The following ANKRD18B variants were observed in gnomAD, a reference collection of about 807,000 sequenced individuals.
The protein encoded by ANKRD18B is ankyrin repeat domain-containing protein 18B.
In ANKRD18B, 75 loss-of-function variants were observed where a neutral mutation model predicts 111.8. The observed-to-expected ratio is 0.67, with a 90% CI of 0.56 to 0.81. The LOEUF (loss-of-function observed/expected upper bound fraction) is 0.81, where lower values mean the gene tolerates loss of function less well. ANKRD18B is among the 40% of genes least tolerant of loss of function. The pLI is 0.00. For missense variants in ANKRD18B, 1,038 were observed against 1,225.5 expected, an observed-to-expected ratio of 0.85 and a Z score of 2.28; for synonymous variants, 356 against 417.3, an observed-to-expected ratio of 0.85 and a Z score of 1.79.
At chr9:33,532,061 T>C (rs556647622) in intron 3 of ANKRD18B, among the ~76,000 whole-genome samples, 54 of 152,132 alleles carry the variant, frequency 3.5e-4, no homozygotes, top group Middle Eastern at 3.4e-3. Context: ...GGTGAAACCC[T>C]AACTCTACTA....
intron 14 of ANKRD18B, among the ~76,000 whole-genome samples, chr9:33,558,691 A>G (rs1225629973): frequency 1.3e-5 from 2 of 152,188 alleles, no homozygotes; most frequent in Admixed American, 1.3e-4. Context: ...AATAATTTAT[A>G]TTTAAACGTA....
chr9:33,536,557 A>T (rs904680514), intron 5 of ANKRD18B, among the ~76,000 whole-genome samples: 27 of 152,230 alleles, frequency 1.8e-4, no homozygotes, highest in Admixed American at 1.1e-3. Flanking sequence ...GGCTAAGAGA[A>T]GCAACTGATC....
chr9:33,527,478 C>T (rs1320845517), intron 1 of ANKRD18B, among the ~76,000 whole-genome samples: 3 of 152,042 alleles, frequency 2.0e-5, no homozygotes, highest in African/African-American at 4.8e-5. Context: ...CCTGCCACCA[C>T]GCCCAGCTAA....
At chr9:33,550,636 T>C in intron 12 of ANKRD18B, 57 bp downstream of exon 12, 4 of 1,421,210 alleles carry the variant, frequency 2.8e-6, no homozygotes, top group Non-Finnish European at 3.7e-6. Flanking sequence ...AATACCAGTA[T>C]CCTAAGTGTC....
At position 33,536,821 on chromosome 9, in the gene ANKRD18B, T is replaced by G. The variant is rs3954923; in HGVS notation, c.741-57T>G. 1.1e-3 allele frequency: 1,190 copies of G among 1,105,732 alleles called. 9 individuals carry two copies. In the African/African-American group the frequency reaches 0.018, roughly 17 times the overall value. 68.5% of individuals were successfully genotyped at this position (1,105,732 alleles called of 1,614,324 possible). A position where few individuals can be genotyped will look rare whatever the true frequency, so the allele number is the denominator to read the frequency against. ...TGCTTTAAGAATTTAATCTGTTTGG[T>G]AAATATTTTTCATATCACTATTAAA... On this transcript the variant is annotated intron_variant, in intron 5 of 18. Coordinates refer to ENST00000684830, the MANE Select transcript of ANKRD18B (RefSeq NM_001393611.1).
intron 13 of ANKRD18B, 129 bp downstream of exon 13, chr9:33,555,949 A>G: frequency 2.8e-6 from 2 of 702,540 alleles, no homozygotes; most frequent in South Asian, 1.1e-4. Context: ...ATTCTGTTTT[A>G]AAATATATTT....
At chr9:33,525,997 T>A (rs1342265294) in intron 1 of ANKRD18B, among the ~76,000 whole-genome samples, 1 of 152,092 alleles carries the variant, frequency 6.6e-6, no homozygotes, top group Non-Finnish European at 1.5e-5. Flanking sequence ...AAGTACTTTT[T>A]GCAGATCCAC....
chr9:33,528,497 A>C, intron 1 of ANKRD18B: 1 of 440,510 alleles, frequency 2.3e-6, no homozygotes. Context: ...AGTAGAACTC[A>C]AGCCCTAGTT....
At chr9:33,565,409 A>G (rs989194859) in intron 14 of ANKRD18B, among the ~76,000 whole-genome samples, 2 of 152,230 alleles carry the variant, frequency 1.3e-5, no homozygotes, top group Admixed American at 6.5e-5. Context: ...AATTAGCATG[A>G]AACATTTGCG....
At chr9:33,525,230 T>C (rs1439490886) in intron 1 of ANKRD18B, among the ~76,000 whole-genome samples, 1 of 152,228 alleles carries the variant, frequency 6.6e-6, no homozygotes, top group African/African-American at 2.4e-5. Flanking sequence ...TGTCTTACCA[T>C]TGTGATGACA....
intron 6 of ANKRD18B, among the ~76,000 whole-genome samples, chr9:33,538,782 A>G (rs933282787): frequency 1.4e-4 from 21 of 152,256 alleles, no homozygotes; most frequent in African/African-American, 5.1e-4. Flanking sequence ...ATCATAATAA[A>G]TATTCCAATA....
intron 1 of ANKRD18B, 122 bp from the exon 2 acceptor site, chr9:33,528,605 A>G: frequency 3.9e-6 from 3 of 766,874 alleles, no homozygotes; most frequent in East Asian, 2.8e-5. Context: ...ACTTTCTTCA[A>G]AAGAAAATTA....
At position 33,524,265 on chromosome 9, in the gene ANKRD18B, A is replaced by T. The variant is rs1237083684; in HGVS notation, c.-225A>T. On this transcript the variant is annotated 5_prime_UTR_variant, in exon 1 of 19. Coordinates refer to ENST00000684830, the MANE Select transcript of ANKRD18B (RefSeq NM_001393611.1). ...CTAACCGCTTTACTGGGCTCACTCT[A>T]TCGAGAGGTCGGAGGCTGCGAGTGT... The T allele has an allele frequency of 1.7e-6, 2 of 1,156,420 alleles. No homozygotes were observed. 71.6% of individuals were successfully genotyped at this position (1,156,420 alleles called of 1,614,324 possible). A position where few individuals can be genotyped will look rare whatever the true frequency, so the allele number is the denominator to read the frequency against.
Position 33,572,341 on chromosome 9 carries a change from C to T in ANKRD18B, c.3249C>T (p.Ser1083=). The T allele has an allele frequency of 6.2e-7, 1 of 1,611,762 alleles. No homozygotes were observed. Among genetic ancestry groups the T allele is most frequent in the Non-Finnish European group, 8.5e-7 (1 of 1,178,848 alleles). ...KKTFAALGPC[S]YLLSSLESTG... ...CTTTTGCTGCGTTGGGCCCTTGCTC[C>T]TATCTACTTTCTTCTCTAGAATCCA... Residue 1083 remains serine (S), a synonymous_variant, in exon 19 of 19, where the codon TCC becomes TCT. Coordinates refer to ENST00000684830, the MANE Select transcript of ANKRD18B (RefSeq NM_001393611.1).
chr9:33,570,843 G>A (rs1412566123), intron 17 of ANKRD18B, among the ~76,000 whole-genome samples: 1 of 151,916 alleles, frequency 6.6e-6, no homozygotes, highest in Admixed American at 6.6e-5. Flanking sequence ...TCATCATGTT[G>A]GCCAGGATGG....
intron 3 of ANKRD18B, among the ~76,000 whole-genome samples, chr9:33,532,425 T>C (rs1828131344): frequency 6.6e-6 from 1 of 152,188 alleles, no homozygotes; most frequent in Non-Finnish European, 1.5e-5. Context: ...ATTTAAAAAG[T>C]AAAGTTGCAT....
At chr9:33,556,563 A>G (rs1828530332) in intron 13 of ANKRD18B, among the ~76,000 whole-genome samples, 2 of 152,184 alleles carry the variant, frequency 1.3e-5, no homozygotes, top group Admixed American at 1.3e-4. Context: ...GTATTCTTTA[A>G]TGATTTTGAA....
At chr9:33,532,197 G>A (rs1389629733) in intron 3 of ANKRD18B, among the ~76,000 whole-genome samples, 2 of 152,022 alleles carry the variant, frequency 1.3e-5, no homozygotes, top group South Asian at 2.1e-4. Context: ...TCATGCCACT[G>A]CACTCCAGCC....
chr9:33,558,091 G>T lies in ANKRD18B; in HGVS notation c.2364G>T (p.Met788Ile). 6.2e-7 allele frequency: 1 copy of T among 1,609,730 alleles called. No individual in the cohort carries two copies. The highest frequency in any genetic ancestry group is 1.1e-5 in the South Asian group (1 of 90,320). ...AATGCCTAGAAATGACAATAAATAT[G>T]TTAAATGCATTTGCAAATGAAGACT... ...YKKCLEMTIN[M>I]LNAFANEDFS... The change falls in exon 14 of 19, where the codon ATG becomes ATT. Residue 788 changes from methionine to isoleucine, a missense_variant. By Grantham distance (10) the Met-to-Ile change is conservative. Around this residue, in one of 4 missense-constraint regions of ANKRD18B, gnomAD observed 524 missense variants for 677.9 expected, o/e 0.77. Transcript: ENST00000684830.
Sources: gnomAD v4.1 joint callset for allele counts (sites outside exome capture counted in the v4.1 genomes callset) on GRCh38, gnomAD v4.1.1 for gene constraint, gnomAD v4.1.1 regional missense constraint, MANE v1.5 for transcripts, NCBI Gene and HGNC (gene_info 2026-07-23, HGNC 2026-07-21) for gene names.